The following HCN1 variants were observed in gnomAD, a reference collection of about 807,000 sequenced individuals.
HCN1 encodes potassium/sodium hyperpolarization-activated cyclic nucleotide-gated channel 1.
In HCN1, 13 loss-of-function variants were observed where a neutral mutation model predicts 78.9. The observed-to-expected ratio is 0.16, with a 90% confidence interval of 0.11 to 0.26. The LOEUF (loss-of-function observed/expected upper bound fraction) is 0.26. HCN1 is among the 10% of genes least tolerant of loss of function. HCN1 has a pLI of 1.00. For synonymous variants in HCN1, 552 were observed against 455.5 expected (o/e 1.21, Z -2.70); for missense variants, 810 against 1,154.3 (o/e 0.70, Z 4.32).
At chr5:45,493,851 T>C (rs993778484) in intron 2 of HCN1, among the ~76,000 whole-genome samples, 2 of 150,012 alleles carry the variant, frequency 1.3e-5, no homozygotes, top group African/African-American at 4.9e-5. Flanking sequence ...ATATGCGGTG[T>C]TTGGTTTTTT....
intron 2 of HCN1, among the ~76,000 whole-genome samples, chr5:45,548,461 C>T (rs943156168): frequency 6.6e-6 from 1 of 151,964 alleles, no homozygotes; most frequent in East Asian, 1.9e-4. Flanking sequence ...ATGCTAAAAA[C>T]TCTCAATAAA....
At chr5:45,371,897 C>T (rs1229616610) in intron 4 of HCN1, among the ~76,000 whole-genome samples, 3 of 79,188 alleles carry the variant, frequency 3.8e-5, no homozygotes, top group Admixed American at 2.0e-4. Context: ...ATATAATATA[C>T]ATTATATTAT....
At chr5:45,346,974 G>A (rs1342426993) in intron 5 of HCN1, among the ~76,000 whole-genome samples, 5 of 152,224 alleles carry the variant, frequency 3.3e-5, no homozygotes, top group East Asian at 3.9e-4. Context: ...AACCTCTGCA[G>A]ACTTAAATGT....
At chr5:45,556,912 C>T (rs2111866893) in intron 2 of HCN1, among the ~76,000 whole-genome samples, 1 of 152,112 alleles carries the variant, frequency 6.6e-6, no homozygotes, top group East Asian at 1.9e-4. Flanking sequence ...ATCCTATTGA[C>T]ACCTGAAATA....
chr5:45,695,959 G>C lies in HCN1; in HGVS notation c.135C>G (p.Gly45=), dbSNP rs886043996. 4.5e-6 allele frequency: 6 copies of C among 1,329,146 alleles called. No homozygotes were observed. In the African/African-American group the frequency reaches 9.4e-5, roughly 21 times the overall value. 82.3% of individuals were successfully genotyped at this position (1,329,146 alleles called of 1,614,324 possible). A position where few individuals can be genotyped will look rare whatever the true frequency, so the allele number is the denominator to read the frequency against. ...AEKRLGTPPG[G]GGAGAKEHGN... ...CGTGCTCCTTCGCGCCGGCCCCGCCGCCCCCCGGCGGGGTGCCCAGGCGCT... is the reference window on the plus strand; with the variant it reads ...CGTGCTCCTTCGCGCCGGCCCCGCCCCCCCCCGGCGGGGTGCCCAGGCGCT... Residue 45 remains glycine (G), a synonymous_variant, in exon 1 of 8, where the codon GGC becomes GGG. Coordinates refer to ENST00000303230, the MANE Select transcript of HCN1 (RefSeq NM_021072.4).
intron 6 of HCN1, 103 bp from the exon 7 acceptor site, chr5:45,267,356 A>C (rs755475844): frequency 1.3e-5 from 13 of 1,008,444 alleles, no homozygotes; most frequent in Non-Finnish European, 2.0e-5. Context: ...GTGTGAAAAA[A>C]CAATTATTAG....
chr5:45,538,056 ATAGT>A (rs1743007583), intron 2 of HCN1, among the ~76,000 whole-genome samples: 1 of 151,804 alleles, frequency 6.6e-6, no homozygotes, highest in Non-Finnish European at 1.5e-5. Context: ...ACAAATCTGC[ATAGT>A]TAATCTGTGT....
At chr5:45,339,808 A>G (rs1452994589) in intron 5 of HCN1, among the ~76,000 whole-genome samples, 1 of 152,238 alleles carries the variant, frequency 6.6e-6, no homozygotes, top group Non-Finnish European at 1.5e-5. Context: ...TTGAGGAAAT[A>G]AAAGGTTTGT....
chr5:45,451,002 A>G (rs1490218543), intron 3 of HCN1, among the ~76,000 whole-genome samples: 1 of 152,096 alleles, frequency 6.6e-6, no homozygotes, highest in Non-Finnish European at 1.5e-5. Flanking sequence ...CTTCTGTAAG[A>G]TAATGTGTTT....
At chr5:45,347,740 C>A (rs561575695) in intron 5 of HCN1, among the ~76,000 whole-genome samples, 19 of 151,818 alleles carry the variant, frequency 1.3e-4, no homozygotes, top group African/African-American at 4.1e-4. Context: ...GGAGCCGATG[C>A]GATCAACTGG....
chr5:45,377,357 TA>T (rs1747704072), intron 4 of HCN1, among the ~76,000 whole-genome samples: 1 of 152,044 alleles, frequency 6.6e-6, no homozygotes, highest in Non-Finnish European at 1.5e-5. Flanking sequence ...CATGACTATT[TA>T]ATATTTTGTG....
At chr5:45,322,600 A>G (rs1746146441) in intron 5 of HCN1, among the ~76,000 whole-genome samples, 1 of 151,852 alleles carries the variant, frequency 6.6e-6, no homozygotes, top group African/African-American at 2.4e-5. Flanking sequence ...TATACTTCAA[A>G]CATACAGCCT....
At position 45,324,084 on chromosome 5, in the gene HCN1, G is replaced by A. The variant is rs546842396; in HGVS notation, c.1378-20245C>T. ...CCTTTGGGTATATACCCAGTAATGG[G>A]ATGGCTGGGTCAAATGGTATTTCTA... On this transcript the variant is annotated intron_variant, in intron 5 of 7. Transcript: ENST00000303230. 1.6e-3 allele frequency among the ~76,000 whole-genome samples: 230 copies of A among 140,306 alleles called. 1 individual carries two copies. Among genetic ancestry groups the A allele is most frequent in the South Asian group, 0.012 (52 of 4,460 alleles). The allele number at this position is 140,306 out of a possible 152,430, so 92.0% of individuals were successfully genotyped here.
intron 2 of HCN1, among the ~76,000 whole-genome samples, chr5:45,600,200 C>G (rs1453954858): frequency 6.6e-6 from 1 of 152,094 alleles, no homozygotes; most frequent in African/African-American, 2.4e-5. Flanking sequence ...CACACACGCA[C>G]ACACACATGC....
At chr5:45,455,069 G>A (rs529013078) in intron 3 of HCN1, among the ~76,000 whole-genome samples, 52 of 151,928 alleles carry the variant, frequency 3.4e-4, no homozygotes, top group Admixed American at 3.0e-3. Flanking sequence ...CCTGGCCCTC[G>A]GTTTTTCATA....
At chr5:45,618,448 T>A (rs921509982) in intron 2 of HCN1, among the ~76,000 whole-genome samples, 2 of 152,118 alleles carry the variant, frequency 1.3e-5, no homozygotes, top group Admixed American at 1.3e-4. Context: ...CTAGATTGAT[T>A]TCTGTAAACA....
intron 5 of HCN1, among the ~76,000 whole-genome samples, chr5:45,332,602 A>G (rs569916808): frequency 3.3e-4 from 50 of 151,306 alleles, no homozygotes; most frequent in African/African-American, 1.2e-3. Flanking sequence ...TCATTTTTGT[A>G]CCCAGTAAGC....
intron 4 of HCN1, among the ~76,000 whole-genome samples, chr5:45,391,620 C>T (rs1269907775): frequency 1.3e-5 from 2 of 152,064 alleles, no homozygotes; most frequent in Non-Finnish European, 2.9e-5. Flanking sequence ...AGAGAGGAGG[C>T]TCCATCATCT....
chr5:45,263,886 C>CG (rs548074582), intron 7 of HCN1, among the ~76,000 whole-genome samples: 10 of 152,244 alleles, frequency 6.6e-5, no homozygotes, highest in Non-Finnish European at 1.2e-4. Context: ...CTCTGCCTCC[C>CG]GGGTTCATGC....
Sources: gnomAD v4.1 joint callset for allele counts (sites outside exome capture counted in the v4.1 genomes callset) on GRCh38, gnomAD v4.1.1 for gene constraint, MANE v1.5 for transcripts, NCBI Gene and HGNC (gene_info 2026-07-23, HGNC 2026-07-21) for gene names.